Variants in ASAP2 observed in about 807,000 individuals in gnomAD.
ASAP2 encodes ArfGAP with SH3 domain, ankyrin repeat and PH domain 2.
ASAP2 carries 45 observed loss-of-function variants against 131.4 expected under a neutral mutation model. That is an observed-to-expected ratio of 0.34 (90% CI 0.27 to 0.44). ASAP2 has a LOEUF of 0.44. Ranked by LOEUF, ASAP2 falls within the 20% of genes least tolerant of loss-of-function variation. The pLI is 1.00. For missense variants in ASAP2, 1,011 were observed against 1,297.0 expected (o/e 0.78, Z 3.39); for synonymous variants, 510 against 503.0 (o/e 1.01, Z -0.19).
intron 3 of ASAP2, among the ~76,000 whole-genome samples, chr2:9,312,843 C>T (rs1669394816): frequency 6.6e-6 from 1 of 152,140 alleles, no homozygotes; most frequent in African/African-American, 2.4e-5. Flanking sequence ...CAGTGGTCAT[C>T]AGAGCTGTCC....
At chr2:9,383,984 C>T (rs930245899) in intron 20 of ASAP2, among the ~76,000 whole-genome samples, 6 of 150,886 alleles carry the variant, frequency 4.0e-5, no homozygotes, top group African/African-American at 4.9e-5. Context: ...GGACACAGGG[C>T]GGGGAACATC....
chr2:9,319,950 G>A (rs1670050006), intron 4 of ASAP2, among the ~76,000 whole-genome samples: 1 of 152,256 alleles, frequency 6.6e-6, no homozygotes, highest in African/African-American at 2.4e-5. Flanking sequence ...ATTTGCAGAT[G>A]AAAGGTTGTC....
Position 9,352,240 on chromosome 2 carries a change from CACACACAA to C in ASAP2, c.1111+1353_1111+1360del, listed in dbSNP as rs1393297424. 6.0e-4 allele frequency among the ~76,000 whole-genome samples: 91 copies of C among 150,468 alleles called. 1 individual carries two copies. Among genetic ancestry groups the C allele is most frequent in the African/African-American group, 2.2e-3 (89 of 40,776 alleles). ...ACACACACACACACACACACACACA[CACACACAA>C]ACACACACACCACTGCTGGGATACC... On this transcript the variant is annotated intron_variant, in intron 12 of 27. Coordinates refer to ENST00000281419, the MANE Select transcript of ASAP2 (RefSeq NM_003887.3).
intron 11 of ASAP2, among the ~76,000 whole-genome samples, chr2:9,346,782 G>T (rs1671995637): frequency 6.6e-6 from 1 of 152,232 alleles, no homozygotes; most frequent in Admixed American, 6.5e-5. Flanking sequence ...GCTTAAGCCA[G>T]TGAGTGGCTC....
chr2:9,362,316 C>T (rs188564168), intron 15 of ASAP2, among the ~76,000 whole-genome samples: 3 of 152,218 alleles, frequency 2.0e-5, no homozygotes, highest in African/African-American at 7.2e-5. Context: ...CAGGTTCTCT[C>T]ACAGGAGTAG....
At chr2:9,366,447 A>G (rs1673481856) in intron 15 of ASAP2, among the ~76,000 whole-genome samples, 1 of 152,188 alleles carries the variant, frequency 6.6e-6, no homozygotes, top group Admixed American at 6.5e-5. Context: ...ACCTGGGGAC[A>G]GTGTCCTGCT....
intron 3 of ASAP2, among the ~76,000 whole-genome samples, chr2:9,313,229 T>C (rs1669429594): frequency 6.6e-6 from 1 of 152,184 alleles, no homozygotes; most frequent in South Asian, 2.1e-4. Flanking sequence ...TCTTCTCCAC[T>C]TGAATGTTTT....
At chr2:9,294,322 A>C (rs916098539) in intron 2 of ASAP2, among the ~76,000 whole-genome samples, 2 of 152,006 alleles carry the variant, frequency 1.3e-5, no homozygotes, top group Non-Finnish European at 2.9e-5. Flanking sequence ...AAAAGAAAAA[A>C]ACTTAACCTA....
At chr2:9,397,727 G>GATATATATATATATATATATATATATAT (rs200560260) in intron 24 of ASAP2, among the ~76,000 whole-genome samples, 1 of 83,520 alleles carries the variant, frequency 1.2e-5, no homozygotes, top group African/African-American at 7.7e-5. Context: ...AAATCAAAAG[G>GATATATATATATATATATATATATATAT]ATATATATAT....
chr2:9,403,402 A>G lies in ASAP2; in HGVS notation c.*75A>G. 1 of 1,443,796 alleles carries G rather than the reference A, an allele frequency of 6.9e-7. No individual in the cohort carries two copies. Among genetic ancestry groups the G allele is most frequent in the Non-Finnish European group, 9.7e-7 (1 of 1,033,454 alleles). 89.4% of individuals were successfully genotyped at this position (1,443,796 alleles called of 1,614,324 possible). ...GTACCAAAACTCTTGCCAGATAACC[A>G]GTTTCATGAACTGTTTGTATGGCAG... On this transcript the variant is annotated 3_prime_UTR_variant, in exon 28 of 28. Transcript: ENST00000281419.
At chr2:9,258,891 T>G (rs1395011109) in intron 1 of ASAP2, among the ~76,000 whole-genome samples, 2 of 152,240 alleles carry the variant, frequency 1.3e-5, no homozygotes, top group Non-Finnish European at 2.9e-5. Context: ...ACTCAGCATT[T>G]TAGAGTCTGT....
chr2:9,250,341 A>G (rs1219703629), intron 1 of ASAP2, among the ~76,000 whole-genome samples: 1 of 152,188 alleles, frequency 6.6e-6, no homozygotes, highest in African/African-American at 2.4e-5. Context: ...AAGAGGGGAA[A>G]GAACACGACA....
chr2:9,220,853 A>G (rs1662364140), intron 1 of ASAP2, among the ~76,000 whole-genome samples: 1 of 152,170 alleles, frequency 6.6e-6, no homozygotes, highest in Non-Finnish European at 1.5e-5. Context: ...GTAGGGGTCC[A>G]ACTTCATTCT....
chr2:9,381,440 T>C (rs1674831411), intron 20 of ASAP2, among the ~76,000 whole-genome samples: 1 of 152,184 alleles, frequency 6.6e-6, no homozygotes, highest in Non-Finnish European at 1.5e-5. Flanking sequence ...CAGCGCTCAG[T>C]AAATAGATTA....
rs937897325 is a variant in ASAP2, at chr2:9,404,759, T to C, written c.*1432T>C. On this transcript the variant is annotated 3_prime_UTR_variant, in exon 28 of 28. Coordinates refer to ENST00000281419, the MANE Select transcript of ASAP2 (RefSeq NM_003887.3). ...AGAGTTTTTTTTTTTTTTGGCATTG[T>C]ACTTTTTGTTTTTGTTATAAAGGAA... is the stretch of plus-strand genomic sequence containing the variant. 13 of 152,316 alleles carry C rather than the reference T, an allele frequency of 8.5e-5. No individual in the cohort carries two copies. The highest frequency in any genetic ancestry group is 2.2e-4 in the African/African-American group (9 of 41,338). 9.4% of individuals were successfully genotyped at this position (152,316 alleles called of 1,614,324 possible). A position where few individuals can be genotyped will look rare whatever the true frequency, so the allele number is the denominator to read the frequency against.
intron 2 of ASAP2, among the ~76,000 whole-genome samples, chr2:9,296,129 G>A (rs1224980553): frequency 2.0e-5 from 3 of 152,190 alleles, no homozygotes; most frequent in Non-Finnish European, 2.9e-5. Context: ...GGTTCACACC[G>A]CAGGTCTGGC....
Position 9,320,270 on chromosome 2 carries a change from A to T in ASAP2, c.421-18A>T, listed in dbSNP as rs771064884. On this transcript the variant is annotated intron_variant, in intron 4 of 27. Coordinates refer to ENST00000281419, the MANE Select transcript of ASAP2 (RefSeq NM_003887.3). The stretch of plus-strand genomic sequence containing the variant: ...GTGAATGATTAGTCTTGCCTAATTT[A>T]TTATTCTTTGTTTACAGGATCTGAA... 5 of 1,603,034 alleles carry T rather than the reference A, an allele frequency of 3.1e-6. No homozygotes were observed. Among genetic ancestry groups the T allele is most frequent in the East Asian group, 2.2e-5 (1 of 44,704 alleles).
intron 9 of ASAP2, among the ~76,000 whole-genome samples, chr2:9,337,579 C>A (rs1483379111): frequency 6.6e-6 from 1 of 152,172 alleles, no homozygotes; most frequent in Non-Finnish European, 1.5e-5. Flanking sequence ...AAGTAACATG[C>A]CCCAAAGAAA....
intron 1 of ASAP2, among the ~76,000 whole-genome samples, chr2:9,240,843 T>TA (rs1663910885): frequency 6.6e-6 from 1 of 152,128 alleles, no homozygotes; most frequent in African/African-American, 2.4e-5. Flanking sequence ...CATTATTATG[T>TA]AAAAAATAAG....
Sources: allele counts gnomAD v4.1 joint callset (sites outside exome capture counted in the v4.1 genomes callset), GRCh38; gene constraint gnomAD v4.1.1; transcripts MANE v1.5; gene names NCBI Gene and HGNC (gene_info 2026-07-23, HGNC 2026-07-21).